The following FUT8 variants were observed in gnomAD, a reference collection of about 807,000 sequenced individuals.
FUT8 encodes fucosyltransferase 8, also known as alpha-(1,6)-fucosyltransferase.
FUT8 carries 29 observed loss-of-function variants against 71.3 expected under a neutral mutation model. The ratio of observed to expected loss-of-function variants is 0.41; its 90% CI spans 0.30 to 0.55. FUT8 has a LOEUF of 0.55. Ranked by LOEUF, FUT8 falls within the 20% of genes least tolerant of loss-of-function variation. The pLI, the probability that FUT8 is intolerant of heterozygous loss-of-function variation, is 0.34. For missense variants in FUT8, 544 were observed against 702.1 expected (o/e 0.77, Z 2.55); for synonymous variants, 254 against 239.3 (o/e 1.06, Z -0.57).
chr14:65,703,450 C>T (rs1395982264), intron 7 of FUT8, among the ~76,000 whole-genome samples: 1 of 152,148 alleles, frequency 6.6e-6, no homozygotes, highest in Non-Finnish European at 1.5e-5. Context: ...TACCTTTACA[C>T]TATTTGTTTC....
the FUT8 span, among the ~76,000 whole-genome samples, chr14:65,358,571 G>A: frequency 3.3e-5 from 5 of 151,732 alleles, no homozygotes; most frequent in East Asian, 3.9e-4. Flanking sequence ...CTCCTACTTC[G>A]GTCTACAGAG....
chr14:65,428,740 C>T (rs996903001), intron 1 of FUT8, among the ~76,000 whole-genome samples: 1 of 152,102 alleles, frequency 6.6e-6, no homozygotes, highest in African/African-American at 2.4e-5. Context: ...GAGAACAAAG[C>T]CATAGTTGAA....
intron 1 of FUT8, among the ~76,000 whole-genome samples, chr14:65,438,357 A>C (rs1400195790): frequency 6.6e-6 from 1 of 152,184 alleles, no homozygotes; most frequent in Admixed American, 6.5e-5. Flanking sequence ...TGCTGAAAGA[A>C]CAAATTTCTG....
At chr14:65,686,341 A>G (rs1230632204) in intron 7 of FUT8, among the ~76,000 whole-genome samples, 1 of 152,174 alleles carries the variant, frequency 6.6e-6, no homozygotes, top group Non-Finnish European at 1.5e-5. Context: ...TACTTATACA[A>G]TACCAAATCT....
chr14:65,442,802 C>T (rs2065681120), intron 1 of FUT8, among the ~76,000 whole-genome samples: 1 of 144,734 alleles, frequency 6.9e-6, no homozygotes, highest in African/African-American at 2.5e-5. Context: ...GCCTGGGTGA[C>T]AGAGTGAGAC....
chr14:65,478,026 C>A (rs1272497325), intron 2 of FUT8, among the ~76,000 whole-genome samples: 1 of 152,092 alleles, frequency 6.6e-6, no homozygotes, highest in African/African-American at 2.4e-5. Flanking sequence ...GCTTCTAGAA[C>A]CAGGTCTGTA....
At position 65,412,890 on chromosome 14, in the gene FUT8, G is replaced by A. The variant is rs376912572; in HGVS notation, c.-650G>A. The A allele has an allele frequency of 0.015, 2,288 of 149,504 alleles. 28 individuals are homozygous for A. The highest frequency in any genetic ancestry group is 0.026 in the Non-Finnish European group (1,776 of 69,280). 9.3% of individuals were successfully genotyped at this position (149,504 alleles called of 1,614,324 possible). On this transcript the variant is annotated 5_prime_UTR_variant, in exon 1 of 11. Coordinates refer to ENST00000673929, the MANE Select transcript of FUT8 (RefSeq NM_001371533.1). Reference sequence around the variant, plus strand: ...CCACCCCCGCCGCCTGGCCCCAGCCGACCCGTCCCTTCGTCTCCCCGCGGA... The same window carrying A: ...CCACCCCCGCCGCCTGGCCCCAGCCAACCCGTCCCTTCGTCTCCCCGCGGA...
At position 65,607,617 on chromosome 14, in the gene FUT8, T is replaced by C. The variant is rs895848745; in HGVS notation, c.204-8361T>C. On this transcript the variant is annotated intron_variant, in intron 3 of 10. Coordinates refer to ENST00000673929, the MANE Select transcript of FUT8 (RefSeq NM_001371533.1). This position sits in a 1 kb window ranked among gnomAD's most constrained non-coding sequence, Gnocchi z 4.1. Reference sequence around the variant, plus strand: ...TTGGGAGTTTGAAAATAAGCTTATATTTGAATTAGTCTTTAATTTCTTTGT... The same window carrying C: ...TTGGGAGTTTGAAAATAAGCTTATACTTGAATTAGTCTTTAATTTCTTTGT... Among the ~76,000 whole-genome samples, 2 of 151,918 alleles carry C rather than the reference T, an allele frequency of 1.3e-5. No homozygotes were observed. The highest frequency in any genetic ancestry group is 4.8e-5 in the African/African-American group (2 of 41,418).
chr14:65,710,007 CTCTT>C (rs1354681924), intron 7 of FUT8, among the ~76,000 whole-genome samples: 2 of 152,192 alleles, frequency 1.3e-5, no homozygotes, highest in East Asian at 1.9e-4. Flanking sequence ...TTATTTCTCT[CTCTT>C]TTTCAGTTGG....
At chr14:65,474,456 A>AAAAAAAAAAAAAAAAAAAAAAAAAG in intron 2 of FUT8, among the ~76,000 whole-genome samples, 1 of 147,794 alleles carries the variant, frequency 6.8e-6, no homozygotes, top group Non-Finnish European at 1.5e-5. Context: ...AAAAAAAAAA[A>AAAAAAAAAAAAAAAAAAAAAAAAAG]AGCCAGGCGT....
chr14:65,381,806 C>T, the FUT8 span, among the ~76,000 whole-genome samples: 1 of 152,176 alleles, frequency 6.6e-6, no homozygotes, highest in Admixed American at 6.5e-5. Context: ...TTCTTTATCT[C>T]CTTACCCATA....
At chr14:65,519,363 TAAAC>T (rs1882932716) in intron 2 of FUT8, among the ~76,000 whole-genome samples, 1 of 152,230 alleles carries the variant, frequency 6.6e-6, no homozygotes, top group South Asian at 2.1e-4. Context: ...AATGTTGAAT[TAAAC>T]AAAGTAAGCT....
chr14:65,677,182 G>A (rs906509368), intron 7 of FUT8, among the ~76,000 whole-genome samples: 2 of 143,560 alleles, frequency 1.4e-5, no homozygotes, highest in South Asian at 2.2e-4. Flanking sequence ...ACGTATGTGT[G>A]TGCGCATGTG....
intron 2 of FUT8, among the ~76,000 whole-genome samples, chr14:65,547,047 T>G (rs959154229): frequency 1.3e-5 from 2 of 151,778 alleles, no homozygotes; most frequent in African/African-American, 4.8e-5. Context: ...ATTACTCTTT[T>G]GTAGTATCTC....
the FUT8 span, among the ~76,000 whole-genome samples, chr14:65,386,837 ATTTTTTTT>A: frequency 4.9e-5 from 4 of 82,008 alleles, no homozygotes; most frequent in African/African-American, 1.7e-4. Context: ...TCTTCCTTTA[ATTTTTTTT>A]TTTTTTTTTT....
chr14:65,733,157 CA>C, intron 9 of FUT8, 73 bp from the exon 10 acceptor site: 2 of 890,258 alleles, frequency 2.2e-6, no homozygotes, highest in Non-Finnish European at 3.3e-6. Context: ...AGCTCTTAGT[CA>C]AAGGAGAAAG....
intron 3 of FUT8, 57 bp from the exon 4 acceptor site, chr14:65,615,921 G>A (rs1889258054): frequency 8.3e-7 from 1 of 1,202,756 alleles, no homozygotes; most frequent in South Asian, 1.4e-5. Context: ...AAGTGAGCTT[G>A]TATTTTGTTG....
At chr14:65,436,271 C>T (rs1193513959) in intron 1 of FUT8, among the ~76,000 whole-genome samples, 1 of 151,908 alleles carries the variant, frequency 6.6e-6, no homozygotes, top group East Asian at 1.9e-4. Flanking sequence ...TAGCAAGACC[C>T]TGTCTCAAAA....
At chr14:65,657,405 A>G (rs762138003) in intron 6 of FUT8, among the ~76,000 whole-genome samples, 9 of 152,192 alleles carry the variant, frequency 5.9e-5, no homozygotes, top group Non-Finnish European at 8.8e-5. Context: ...AATAGCCAGG[A>G]TTTGAAAGCA....
Sources: allele counts gnomAD v4.1 joint callset (sites outside exome capture counted in the v4.1 genomes callset), GRCh38; gene constraint gnomAD v4.1.1; non-coding constraint Gnocchi (gnomAD v3.1); transcripts MANE v1.5; gene names NCBI Gene and HGNC (gene_info 2026-07-23, HGNC 2026-07-21).